The following CYP4F11 variants were observed in gnomAD, a reference collection of about 807,000 sequenced individuals.
The protein encoded by CYP4F11 is cytochrome P450 family 4 subfamily F member 11.
CYP4F11 carries 79 observed loss-of-function variants against 62.2 expected under a neutral mutation model. The ratio of observed to expected loss-of-function variants is 1.27; its 90% CI spans 1.06 to 1.53. CYP4F11 has a LOEUF of 1.53. Among genes scored for constraint, CYP4F11 ranks in the 40% most tolerant of loss-of-function variants. The pLI is 0.00. For missense variants in CYP4F11, 777 were observed against 680.5 expected, an observed-to-expected ratio of 1.14 and a Z score of -1.58; for synonymous variants, 290 against 263.7, an observed-to-expected ratio of 1.10 and a Z score of -0.97.
chr19:15,917,039 A>G (rs1389936939), intron 8 of CYP4F11, among the ~76,000 whole-genome samples: 2 of 152,206 alleles, frequency 1.3e-5, no homozygotes, highest in Non-Finnish European at 2.9e-5. Flanking sequence ...CCACTGACAA[A>G]TGAGTGGATA....
intron 5 of CYP4F11, among the ~76,000 whole-genome samples, chr19:15,924,419 T>A (rs2089653329): frequency 6.6e-6 from 1 of 152,230 alleles, no homozygotes; most frequent in South Asian, 2.1e-4. Flanking sequence ...TTGCATTCAA[T>A]GTCTGCTCCA....
Position 15,934,284 on chromosome 19 carries a change from TAGA to T in CYP4F11, c.122_124del (p.Phe41del), listed in dbSNP as rs1463036831. On this transcript the variant is annotated inframe_deletion, in exon 1 of 12. Transcript: ENST00000402119. ...ACACTGGAGGCGGCGGCAGTTGTCATAGAAGGTGTAGGTCCAGGCCAGGACGCG... is the reference window on the plus strand; with the variant it reads ...ACACTGGAGGCGGCGGCAGTTGTCATAGGTGTAGGTCCAGGCCAGGACGCG... The T allele has an allele frequency of 1.2e-6, 2 of 1,613,544 alleles. No homozygotes were observed. The highest frequency in any genetic ancestry group is 3.3e-5 in the Admixed American group (2 of 59,974).
chr19:15,931,282 A>T (rs1302857708), intron 1 of CYP4F11, among the ~76,000 whole-genome samples: 2 of 151,852 alleles, frequency 1.3e-5, no homozygotes, highest in Non-Finnish European at 2.9e-5. Context: ...GCAGCAGCAC[A>T]GAGATGGGCA....
intron 1 of CYP4F11, among the ~76,000 whole-genome samples, chr19:15,931,542 G>A (rs1364116294): frequency 9.7e-6 from 1 of 102,626 alleles, no homozygotes; most frequent in African/African-American, 3.6e-5. Flanking sequence ...ATGAGTGAGC[G>A]GGGAGAGGAA....
At chr19:15,914,204 G>T in intron 11 of CYP4F11, 101 bp downstream of exon 11, 1 of 1,400,654 alleles carries the variant, frequency 7.1e-7, no homozygotes, top group Non-Finnish European at 9.9e-7. Flanking sequence ...CCTGAGGAAG[G>T]GAGGGAAGGA....
At chr19:15,919,637 T>C (rs2089610918) in intron 8 of CYP4F11, among the ~76,000 whole-genome samples, 1 of 151,876 alleles carries the variant, frequency 6.6e-6, no homozygotes, top group Admixed American at 6.6e-5. Flanking sequence ...CCCTGTCTTA[T>C]CTGTAGTGTC....
At position 15,933,829 on chromosome 19, in the gene CYP4F11, AGAATGAGTGAGTGAGGAGAG is replaced by A. The variant is rs1568258803; in HGVS notation, c.198+362_198+381del. On this transcript the variant is annotated intron_variant, in intron 1 of 11. Transcript: ENST00000402119. ...GGAGAAGAATGAGTGAGTGAGGAGA[AGAATGAGTGAGTGAGGAGAG>A]GAATGAGTGAGTGAGCAGAGGAATG... Among the ~76,000 whole-genome samples, 3 of 12,086 alleles carry A rather than the reference AGAATGAGTGAGTGAGGAGAG, an allele frequency of 2.5e-4. 1 individual carries two copies. Among genetic ancestry groups the A allele is most frequent in the African/African-American group, 1.1e-3 (3 of 2,846 alleles). The allele number at this position is 12,086 out of a possible 152,430, so 7.9% of individuals were successfully genotyped here. A position where few individuals can be genotyped will look rare whatever the true frequency, so the allele number is the denominator to read the frequency against.
At position 15,934,276 on chromosome 19, in the gene CYP4F11, A is replaced by G. The variant is rs1254021094; in HGVS notation, c.133T>C (p.Cys45Arg). 1 of 1,613,818 alleles carries G rather than the reference A, an allele frequency of 6.2e-7. No individual in the cohort carries two copies. The highest frequency in any genetic ancestry group is 1.1e-5 in the South Asian group (1 of 91,078). ...TGAGGAAAACACTGGAGGCGGCGGC[A>G]GTTGTCATAGAAGGTGTAGGTCCAG... The part of the protein sequence containing the change: ...LAWTYTFYDN[C>R]RRLQCFPQPP... The change falls in exon 1 of 12, where the codon TGC (cysteine) becomes CGC (arginine). Residue 45 changes from cysteine (C) to arginine (R), a missense_variant. Physicochemically the swap from Cys to Arg is radical, Grantham distance 180. Transcript: ENST00000402119.
chr19:15,913,633 C>T lies in CYP4F11; in HGVS notation c.*99G>A, dbSNP rs1206296457. 8 of 1,477,420 alleles carry T rather than the reference C, an allele frequency of 5.4e-6. No individual in the cohort carries two copies. The highest frequency in any genetic ancestry group is 7.4e-6 in the Non-Finnish European group (8 of 1,076,852). The allele number at this position is 1,477,420 out of a possible 1,614,324, so 91.5% of individuals were successfully genotyped here. A position where few individuals can be genotyped will look rare whatever the true frequency, so the allele number is the denominator to read the frequency against. On this transcript the variant is annotated 3_prime_UTR_variant, in exon 12 of 12. Transcript: ENST00000402119. ...CTCCCTTTCTTAGATCCCACCAGTC[C>T]CCAGGAGCCCCATGCTGGCTGTCAA... is the stretch of plus-strand genomic sequence containing the variant.
At chr19:15,924,119 T>C in intron 5 of CYP4F11, 37 bp from the exon 6 acceptor site, 1 of 1,595,762 alleles carries the variant, frequency 6.3e-7, no homozygotes, top group Non-Finnish European at 8.6e-7. Context: ...ATATGCAAAG[T>C]CCCAGGAGCA....
chr19:15,916,685 C>G (rs1330959071), intron 8 of CYP4F11, among the ~76,000 whole-genome samples: 2 of 152,082 alleles, frequency 1.3e-5, no homozygotes, highest in Non-Finnish European at 2.9e-5. Flanking sequence ...ATGCTCATCA[C>G]TAATCATCAG....
intron 2 of CYP4F11, chr19:15,927,715 A>G (rs1026283753): frequency 1.7e-6 from 1 of 584,144 alleles, no homozygotes; most frequent in South Asian, 2.1e-5. Flanking sequence ...ACAGTGACAT[A>G]TCTCCTACAA....
At chr19:15,927,681 C>A in intron 2 of CYP4F11, 198 bp from the exon 3 acceptor site, 4 of 643,588 alleles carry the variant, frequency 6.2e-6, no homozygotes, top group South Asian at 5.7e-5. Flanking sequence ...CAGAGTAGAG[C>A]AATAACACAG....
In CYP4F11 at chr19:15,924,707, G is replaced by A. The variant is rs3746156; in HGVS notation, c.647+54C>T. The A allele has an allele frequency of 0.6, 945,232 of 1,585,672 alleles. 284,609 individuals are homozygous for A. Among genetic ancestry groups the A allele is most frequent in the Non-Finnish European group, 0.61 (712,625 of 1,162,338 alleles). Reference sequence around the variant, plus strand: ...TACCCCGGTCAGCCATCCTTTTCCAGCCTACTCCCTTGGGTTCCAGGCCCA... The same window carrying A: ...TACCCCGGTCAGCCATCCTTTTCCAACCTACTCCCTTGGGTTCCAGGCCCA... On this transcript the variant is annotated intron_variant, in intron 5 of 11. Coordinates refer to ENST00000402119, the MANE Select transcript of CYP4F11 (RefSeq NM_021187.4).
chr19:15,914,666 C>T lies in CYP4F11; in HGVS notation c.1250G>A (p.Gly417Asp), dbSNP rs1321498456. ...VLPDGRVIPK[G>D]IVCLINIIGI... ...GATAATATTGATGAGGCAGACAATG[C>T]CTGTGGGAGAGAAGAGGGCAGTCAG... The change falls in exon 10 of 12, where the codon GGC (glycine) becomes GAC (aspartate). Residue 417 changes from glycine (G) to aspartate (D), a missense_variant and splice_region_variant. Gly to Asp is a moderately conservative substitution (Grantham distance 94, BLOSUM62 -1). Coordinates refer to ENST00000402119, the MANE Select transcript of CYP4F11 (RefSeq NM_021187.4). 3.7e-6 allele frequency: 6 copies of T among 1,614,056 alleles called. No individual in the cohort carries two copies. The highest frequency in any genetic ancestry group is 1.7e-5 in the Admixed American group (1 of 60,002).
chr19:15,924,215 T>C, intron 5 of CYP4F11, 133 bp from the exon 6 acceptor site: 1 of 1,141,196 alleles, frequency 8.8e-7, no homozygotes, highest in Admixed American at 2.4e-5. Flanking sequence ...CAAACTCTCT[T>C]CTCTGAGGCA....
rs116193699 is a variant in CYP4F11 at position 15,918,230 on chromosome 19, G to A, written c.1116-3335C>T. ...ATGTCCTCACTTACAAGTGGGAGCC[G>A]AACAAGGGAAACTCATGGACACATG... On this transcript the variant is annotated intron_variant, in intron 8 of 11. Coordinates refer to ENST00000402119, the MANE Select transcript of CYP4F11 (RefSeq NM_021187.4). Among the ~76,000 whole-genome samples, 566 of 152,174 alleles carry A rather than the reference G, an allele frequency of 3.7e-3. 1 individual carries two copies. Among genetic ancestry groups the A allele is most frequent in the African/African-American group, 0.012 (504 of 41,510 alleles).
Position 15,923,839 on chromosome 19 carries a change from G to A in CYP4F11, c.891C>T (p.Asp297=). Residue 297 remains aspartate, a synonymous_variant, in exon 6 of 12, where the codon GAC becomes GAT. Coordinates refer to ENST00000402119, the MANE Select transcript of CYP4F11 (RefSeq NM_021187.4). ...LKNKAKSKTL[D]FIDVLLLSKD... is the part of the protein sequence containing the mutation. ...TGCTCAGCAGAAGCACATCAATGAAGTCTAAAGTCTTGGACTTTGCCTTGT... is the reference window on the plus strand; with the variant it reads ...TGCTCAGCAGAAGCACATCAATGAAATCTAAAGTCTTGGACTTTGCCTTGT... 6.2e-7 allele frequency: 1 copy of A among 1,614,178 alleles called. No homozygotes were observed. Among genetic ancestry groups the A allele is most frequent in the Non-Finnish European group, 8.5e-7 (1 of 1,180,006 alleles).
intron 8 of CYP4F11, among the ~76,000 whole-genome samples, chr19:15,917,212 G>C (rs1200675985): frequency 2.0e-5 from 3 of 152,140 alleles, no homozygotes; most frequent in African/African-American, 7.2e-5. Flanking sequence ...ATAAGTGGAA[G>C]CTATGCTATG....
Sources: gnomAD v4.1 joint callset for allele counts (sites outside exome capture counted in the v4.1 genomes callset) on GRCh38, gnomAD v4.1.1 for gene constraint, MANE v1.5 for transcripts, NCBI Gene and HGNC (gene_info 2026-07-23, HGNC 2026-07-21) for gene names.